The following LAMA1 variants were observed in gnomAD, a reference collection of about 807,000 sequenced individuals.
The protein encoded by LAMA1 is laminin subunit alpha-1.
In LAMA1, 219 loss-of-function variants were observed where a neutral mutation model predicts 348.7. The ratio of observed to expected loss-of-function variants is 0.63; its 90% CI spans 0.56 to 0.70. The LOEUF is 0.70. LAMA1 is among the 30% of genes least tolerant of loss of function. The pLI is 0.00. For synonymous variants in LAMA1, 1,487 were observed against 1,491.0 expected (o/e 1.00, Z 0.06); for missense variants, 3,744 against 3,888.0 (o/e 0.96, Z 0.99).
chr18:7,029,899 A>G (rs73394434), intron 16 of LAMA1, among the ~76,000 whole-genome samples: 8,811 of 152,056 alleles, frequency 0.058, 820 homozygotes, highest in African/African-American at 0.2. Flanking sequence ...CCTGGAAGCT[A>G]GATAGTTATA....
chr18:6,987,443 A>G (rs550868231), intron 36 of LAMA1, among the ~76,000 whole-genome samples: 12 of 152,376 alleles, frequency 7.9e-5, no homozygotes, highest in African/African-American at 2.6e-4. Flanking sequence ...ACAAAAAGAT[A>G]TGATTTGTAC....
intron 41 of LAMA1, 100 bp downstream of exon 41, chr18:6,982,397 G>T: frequency 1.0e-6 from 1 of 955,898 alleles, no homozygotes; most frequent in Non-Finnish European, 1.7e-6. Flanking sequence ...GAAATGCTAA[G>T]CTTCAAGTTG....
At chr18:7,014,790 T>C (rs934835319) in intron 22 of LAMA1, among the ~76,000 whole-genome samples, 70 of 152,310 alleles carry the variant, frequency 4.6e-4, no homozygotes, top group African/African-American at 1.6e-3. Context: ...TCTTGGAAGA[T>C]AGTATACATT....
chr18:7,110,590 G>A (rs2058331685), intron 1 of LAMA1, among the ~76,000 whole-genome samples: 1 of 152,160 alleles, frequency 6.6e-6, no homozygotes, highest in African/African-American at 2.4e-5. Flanking sequence ...GAGAGGCTAA[G>A]GCAGGCGGAT....
At chr18:7,023,455 G>T in intron 18 of LAMA1, 80 bp from the exon 19 acceptor site, 3 of 1,141,826 alleles carry the variant, frequency 2.6e-6, no homozygotes, top group Non-Finnish European at 4.0e-6. Flanking sequence ...CTCCCTGAAT[G>T]GCTAATAAAT....
chr18:7,116,934 C>A (rs563733266), intron 1 of LAMA1, among the ~76,000 whole-genome samples: 6 of 152,290 alleles, frequency 3.9e-5, no homozygotes, highest in African/African-American at 1.4e-4. Flanking sequence ...CAAGGTGCTC[C>A]CTTCTCCGCT....
chr18:7,017,971 AAT>A, intron 19 of LAMA1, among the ~76,000 whole-genome samples: 1 of 152,296 alleles, frequency 6.6e-6, no homozygotes, highest in East Asian at 1.9e-4. Flanking sequence ...AAAGTGATAC[AAT>A]CTTACGGGTC....
intron 3 of LAMA1, among the ~76,000 whole-genome samples, chr18:7,056,658 A>G (rs1290339485): frequency 6.6e-6 from 1 of 152,162 alleles, no homozygotes; most frequent in Non-Finnish European, 1.5e-5. Flanking sequence ...CATTTTTGTA[A>G]TGCCAAGAAA....
At chr18:7,076,407 A>G (rs2058168581) in intron 3 of LAMA1, among the ~76,000 whole-genome samples, 1 of 151,868 alleles carries the variant, frequency 6.6e-6, no homozygotes, top group East Asian at 1.9e-4. Context: ...TCTGAAAAAC[A>G]CTTAACTGGA....
chr18:7,031,888 A>ACC (rs1476381429), intron 16 of LAMA1, among the ~76,000 whole-genome samples, 178 bp downstream of exon 16: 2 of 111,342 alleles, frequency 1.8e-5, no homozygotes, highest in Non-Finnish European at 3.7e-5. Flanking sequence ...TCAAAAAAAA[A>ACC]ACAAAAAAAA....
chr18:7,075,743 G>A (rs2058165224), intron 3 of LAMA1, among the ~76,000 whole-genome samples: 1 of 152,160 alleles, frequency 6.6e-6, no homozygotes, highest in Non-Finnish European at 1.5e-5. Context: ...TTCAAGGCCA[G>A]CCTGGGCAAC....
In LAMA1 at chr18:6,971,654, T is replaced by C. The variant is rs190133736; in HGVS notation, c.6899+203A>G. Among the ~76,000 whole-genome samples, 1,105 of 152,276 alleles carry C rather than the reference T, an allele frequency of 7.3e-3. 14 individuals carry two copies. The highest frequency in any genetic ancestry group is 0.012 in the Non-Finnish European group (796 of 68,028). On this transcript the variant is annotated intron_variant, in intron 48 of 62. Transcript: ENST00000389658. ...TATAATAATATAATGTAGATTGGTA[T>C]AATCTACATTATACCAATGTCACAG...
At position 6,993,708 on chromosome 18, in the gene LAMA1, A is replaced by G. The variant is rs948082479; in HGVS notation, c.4941T>C (p.Thr1647=). 1.2e-6 allele frequency: 2 copies of G among 1,613,984 alleles called. No individual in the cohort carries two copies. Among genetic ancestry groups the G allele is most frequent in the Non-Finnish European group, 1.7e-6 (2 of 1,179,980 alleles). Residue 1647 remains threonine, a synonymous_variant, in exon 35 of 63, where the codon ACT becomes ACC. Transcript: ENST00000389658. ...CTTGACTCTCCTTGAAGATTCTCTC[A>G]GTTGCCCTATTCACCTTTTGGGTAC... is the stretch of plus-strand genomic sequence containing the variant. ...LASTQKVNRA[T]ERIFKESQDL...
Position 7,002,247 on chromosome 18 carries a change from C to T in LAMA1, c.4382+17G>A, listed in dbSNP as rs1281865088. Reference sequence around the variant, plus strand: ...CCTGGGCAGCCCAGCATGCCAGCTGCCCCTGTGGGGACTCACCTGGCAGGA... The same window carrying T: ...CCTGGGCAGCCCAGCATGCCAGCTGTCCCTGTGGGGACTCACCTGGCAGGA... On this transcript the variant is annotated intron_variant, in intron 30 of 62. Coordinates refer to ENST00000389658, the MANE Select transcript of LAMA1 (RefSeq NM_005559.4). 12 of 1,609,798 alleles carry T rather than the reference C, an allele frequency of 7.5e-6. No homozygotes were observed. Among genetic ancestry groups the T allele is most frequent in the African/African-American group, 4.0e-5 (3 of 74,930 alleles).
In LAMA1 at chr18:6,965,329, C is replaced by T; in HGVS notation, c.7154G>A (p.Gly2385Glu). Residue 2385 changes from glycine to glutamate, a missense_variant, in exon 50 of 63, where the codon GGA becomes GAA. Physicochemically the swap from Gly to Glu is moderately conservative, Grantham distance 98 (BLOSUM62 -2). This residue lies in a region of LAMA1 where 1,983 missense variants were observed against 1,934.3 expected (regional missense o/e 1.03). Coordinates refer to ENST00000389658, the MANE Select transcript of LAMA1 (RefSeq NM_005559.4). Reference protein sequence around the residue: ...TLLTDRRYNNGTWYKIAFQRN... With the variant: ...TLLTDRRYNNETWYKIAFQRN... ...CTGGAAGGCAATTTTGTACCAGGTTCCATTGTTATAACGTCTGTCTGTCAA... is the reference window on the plus strand; with the variant it reads ...CTGGAAGGCAATTTTGTACCAGGTTTCATTGTTATAACGTCTGTCTGTCAA... 1 of 1,614,216 alleles carries T rather than the reference C, an allele frequency of 6.2e-7. No homozygotes were observed. Among genetic ancestry groups the T allele is most frequent in the Non-Finnish European group, 8.5e-7 (1 of 1,180,040 alleles).
intron 57 of LAMA1, 106 bp downstream of exon 57, chr18:6,955,244 TTCA>T: frequency 1.2e-6 from 1 of 865,678 alleles, no homozygotes; most frequent in Admixed American, 2.0e-5. Context: ...AATCAAGCAC[TTCA>T]TCATAAAATA....
At chr18:6,988,509 CAT>C (rs2057745055) in intron 36 of LAMA1, among the ~76,000 whole-genome samples, 1 of 152,154 alleles carries the variant, frequency 6.6e-6, no homozygotes, top group Admixed American at 6.5e-5. Context: ...TCTTTAATGA[CAT>C]ATCTTTGGTC....
rs2057787874 is a variant in LAMA1, at chr18:6,997,667, G to A, written c.4806+75C>T. On this transcript the variant is annotated intron_variant, in intron 33 of 62. Transcript: ENST00000389658. ...ACAATGTGGGGAGGACACATGGAAT[G>A]ACTCCCACCATTCCCAATGACTATA... 4 of 1,500,222 alleles carry A rather than the reference G, an allele frequency of 2.7e-6. No homozygotes were observed. In the South Asian group the frequency reaches 3.4e-5, roughly 13 times the overall value. 92.9% of individuals were successfully genotyped at this position (1,500,222 alleles called of 1,614,324 possible). A position where few individuals can be genotyped will look rare whatever the true frequency, so the allele number is the denominator to read the frequency against.
intron 30 of LAMA1, among the ~76,000 whole-genome samples, chr18:7,001,553 T>C (rs2057807827): frequency 6.6e-6 from 1 of 152,156 alleles, no homozygotes; most frequent in East Asian, 1.9e-4. Flanking sequence ...CATCATTTAC[T>C]TGGAGGCAAT....
Sources: gnomAD v4.1 joint callset for allele counts (sites outside exome capture counted in the v4.1 genomes callset) on GRCh38, gnomAD v4.1.1 for gene constraint, gnomAD v4.1.1 regional missense constraint, MANE v1.5 for transcripts, NCBI Gene and HGNC (gene_info 2026-07-23, HGNC 2026-07-21) for gene names.